SMPD3: variants seen among roughly 807,000 people sequenced by gnomAD.
SMPD3 encodes sphingomyelin phosphodiesterase 3, also known as nSMase-2.
In SMPD3, 21 loss-of-function variants were observed where a neutral mutation model predicts 55.7. The observed-to-expected ratio is 0.38, with a 90% CI of 0.27 to 0.54. The LOEUF (loss-of-function observed/expected upper bound fraction) is 0.54. Among genes scored for constraint, SMPD3 ranks in the 20% least tolerant of loss-of-function variants. The pLI is 0.80. For synonymous variants in SMPD3, 457 were observed against 404.3 expected, an observed-to-expected ratio of 1.13 and a Z score of -1.56; for missense variants, 842 against 899.6, an observed-to-expected ratio of 0.94 and a Z score of 0.82.
intron 2 of SMPD3, among the ~76,000 whole-genome samples, chr16:68,381,872 G>A (rs1375950508): frequency 1.3e-5 from 2 of 152,132 alleles, no homozygotes; most frequent in Non-Finnish European, 2.9e-5. Flanking sequence ...GCCTCATTAC[G>A]GACAGCTTGC....
At chr16:68,380,828 G>C (rs1054373105) in intron 2 of SMPD3, among the ~76,000 whole-genome samples, 1 of 152,228 alleles carries the variant, frequency 6.6e-6, no homozygotes, top group Non-Finnish European at 1.5e-5. Context: ...CAAATGTTAG[G>C]ATTTAGGCAG....
At chr16:68,419,478 G>A (rs1029689148) in intron 1 of SMPD3, among the ~76,000 whole-genome samples, 3 of 152,328 alleles carry the variant, frequency 2.0e-5, no homozygotes, top group Admixed American at 6.5e-5. Flanking sequence ...TGGGGACAAT[G>A]TCCCCCTCAA....
intron 1 of SMPD3, among the ~76,000 whole-genome samples, chr16:68,424,823 A>C (rs937174163): frequency 1.7e-4 from 26 of 152,080 alleles, no homozygotes; most frequent in Admixed American, 1.7e-3. Context: ...TGATCCTCCC[A>C]CCTTAGCTTC....
At chr16:68,439,310 T>G (rs1340156326) in intron 1 of SMPD3, among the ~76,000 whole-genome samples, 1 of 152,230 alleles carries the variant, frequency 6.6e-6, no homozygotes, top group Non-Finnish European at 1.5e-5. Context: ...CTTGGTTCAC[T>G]CTGCATATGA....
At chr16:68,394,728 T>A (rs969748504) in intron 1 of SMPD3, among the ~76,000 whole-genome samples, 1 of 152,258 alleles carries the variant, frequency 6.6e-6, no homozygotes, top group African/African-American at 2.4e-5. Context: ...AGATTTAAGA[T>A]AACTTAAACT....
chr16:68,427,440 C>T (rs1320069109), intron 1 of SMPD3, among the ~76,000 whole-genome samples: 7 of 152,182 alleles, frequency 4.6e-5, no homozygotes, highest in Non-Finnish European at 8.8e-5. Flanking sequence ...CATCTGGAGG[C>T]TCTGGCAGCA....
chr16:68,371,457 G>A lies in SMPD3; in HGVS notation c.725C>T (p.Ala242Val). 1 of 1,593,480 alleles carries A rather than the reference G, an allele frequency of 6.3e-7. No individual in the cohort carries two copies. The highest frequency in any genetic ancestry group is 8.5e-7 in the Non-Finnish European group (1 of 1,177,742). The change falls in exon 3 of 9, where the codon GCC (alanine) becomes GTC (valine). Residue 242 changes from alanine to valine, a missense_variant. Around this residue, in one of 2 missense-constraint regions of SMPD3, gnomAD observed 649 missense variants for 643.6 expected, o/e 1.01. Transcript: ENST00000219334. ...CTCGCCACCGATGCGCACGATGCAG[G>A]CATCCTCCGGGCTGCTGCTGTCGAC... ...DPVDSSSPED[A>V]CIVRIGGEEG...
intron 2 of SMPD3, among the ~76,000 whole-genome samples, chr16:68,376,953 C>T (rs1162561921): frequency 6.6e-6 from 1 of 152,206 alleles, no homozygotes; most frequent in African/African-American, 2.4e-5. Flanking sequence ...CCTGGCCAGG[C>T]CCTGCTTCCT....
intron 2 of SMPD3, among the ~76,000 whole-genome samples, chr16:68,385,303 A>C (rs762787415): frequency 6.6e-6 from 1 of 152,176 alleles, no homozygotes; most frequent in Non-Finnish European, 1.5e-5. Context: ...ACATATCCAG[A>C]AATATGTAAA....
In SMPD3 at chr16:68,416,701, G is replaced by A. The variant is rs1362039778; in HGVS notation, c.-268-30042C>T. On this transcript the variant is annotated intron_variant, in intron 1 of 8. Coordinates refer to ENST00000219334, the MANE Select transcript of SMPD3 (RefSeq NM_018667.4). ...GTGAATGTAGGTAGGTGTGCCTTAG[G>A]TGAGTGTTTAATAGTTTCCAGGCTG... Among the ~76,000 whole-genome samples, 3 of 152,210 alleles carry A rather than the reference G, an allele frequency of 2.0e-5. No individual in the cohort carries two copies. In the East Asian group the frequency reaches 5.8e-4, roughly 29 times the overall value.
At chr16:68,432,951 G>A (rs1216371044) in intron 1 of SMPD3, among the ~76,000 whole-genome samples, 1 of 152,090 alleles carries the variant, frequency 6.6e-6, no homozygotes, top group Non-Finnish European at 1.5e-5. Context: ...CTACAGGTGT[G>A]TGCCAGCATG....
rs146884168 is a variant in SMPD3 at position 68,436,489 on chromosome 16, C to T, written c.-269+11864G>A. Among the ~76,000 whole-genome samples, 656 of 152,216 alleles carry T rather than the reference C, an allele frequency of 4.3e-3. 7 individuals are homozygous for T. The highest frequency in any genetic ancestry group is 0.015 in the African/African-American group (627 of 41,526). On this transcript the variant is annotated intron_variant, in intron 1 of 8. Coordinates refer to ENST00000219334, the MANE Select transcript of SMPD3 (RefSeq NM_018667.4). ...CACTGTAATTATCTATCTCTGTCTTCCTTCTAGGACTTGAGTACCAAGCAG... is the reference window on the plus strand; with the variant it reads ...CACTGTAATTATCTATCTCTGTCTTTCTTCTAGGACTTGAGTACCAAGCAG...
chr16:68,446,219 G>A (rs1232327699), intron 1 of SMPD3, among the ~76,000 whole-genome samples: 1 of 152,160 alleles, frequency 6.6e-6, no homozygotes, highest in Admixed American at 6.5e-5. Context: ...AAATGGGAAG[G>A]GCAGGGCACT....
At chr16:68,382,382 C>A (rs780605520) in intron 2 of SMPD3, among the ~76,000 whole-genome samples, 9 of 152,200 alleles carry the variant, frequency 5.9e-5, no homozygotes, top group Non-Finnish European at 1.3e-4. Context: ...CTGGCAGGGG[C>A]AGGCTGGGCA....
chr16:68,365,849 T>C (rs1020698844), intron 3 of SMPD3, among the ~76,000 whole-genome samples: 1 of 152,016 alleles, frequency 6.6e-6, no homozygotes, highest in Non-Finnish European at 1.5e-5. Flanking sequence ...TTAATACAAA[T>C]TAGCATCTCC....
At chr16:68,381,876 A>C (rs1280415703) in intron 2 of SMPD3, among the ~76,000 whole-genome samples, 1 of 152,196 alleles carries the variant, frequency 6.6e-6, no homozygotes, top group East Asian at 1.9e-4. Context: ...CATTACGGAC[A>C]GCTTGCAGTT....
intron 2 of SMPD3, among the ~76,000 whole-genome samples, chr16:68,378,602 G>A (rs960454288): frequency 3.3e-5 from 5 of 151,610 alleles, no homozygotes; most frequent in Admixed American, 3.3e-4. Context: ...CTCTAATCAG[G>A]CACGTGTCTG....
At chr16:68,435,479 G>A (rs994185485) in intron 1 of SMPD3, among the ~76,000 whole-genome samples, 1 of 71,686 alleles carries the variant, frequency 1.4e-5, no homozygotes, top group Non-Finnish European at 3.9e-5. Context: ...AAACACTCTG[G>A]CATTTTTTTT....
chr16:68,397,903 G>C (rs74024640), intron 1 of SMPD3, among the ~76,000 whole-genome samples: 2 of 152,230 alleles, frequency 1.3e-5, no homozygotes, highest in African/African-American at 4.8e-5. Flanking sequence ...TCTGGGACCT[G>C]GGTCACATGT....
Sources: gnomAD v4.1 joint callset for allele counts (sites outside exome capture counted in the v4.1 genomes callset) on GRCh38, gnomAD v4.1.1 for gene constraint, gnomAD v4.1.1 regional missense constraint, MANE v1.5 for transcripts, NCBI Gene and HGNC (gene_info 2026-07-23, HGNC 2026-07-21) for gene names.